The following NUBPL variants were observed in gnomAD, a reference collection of about 807,000 sequenced individuals.
NUBPL encodes NUBP iron-sulfur cluster assembly factor, mitochondrial, also known as iron-sulfur cluster transfer protein NUBPL.
NUBPL carries 31 observed loss-of-function variants against 45.7 expected under a neutral mutation model. That is an observed-to-expected ratio of 0.68 (90% CI 0.51 to 0.92). The LOEUF is 0.92. Ranked by LOEUF, NUBPL falls within the 40% of genes least tolerant of loss-of-function variation. NUBPL has a pLI of 0.00. For synonymous variants in NUBPL, 144 were observed against 140.9 expected, an observed-to-expected ratio of 1.02 and a Z score of -0.15; for missense variants, 401 against 398.7, an observed-to-expected ratio of 1.01 and a Z score of -0.05.
intron 6 of NUBPL, among the ~76,000 whole-genome samples, chr14:31,785,628 C>T (rs555676128): frequency 1.3e-5 from 2 of 152,256 alleles, no homozygotes; most frequent in South Asian, 4.1e-4. Flanking sequence ...CTTCACAGCA[C>T]TTATTACTTC....
At chr14:31,817,965 T>C (rs1201643733) in intron 7 of NUBPL, among the ~76,000 whole-genome samples, 1 of 151,670 alleles carries the variant, frequency 6.6e-6, no homozygotes, top group Non-Finnish European at 1.5e-5. Flanking sequence ...GATGGAGGAA[T>C]ACTTACCAAG....
intron 4 of NUBPL, among the ~76,000 whole-genome samples, chr14:31,614,701 T>C (rs1290768004): frequency 6.6e-6 from 1 of 152,218 alleles, no homozygotes; most frequent in Admixed American, 6.5e-5. Context: ...TAGTAGACCT[T>C]TATGACTGTC....
intron 7 of NUBPL, among the ~76,000 whole-genome samples, chr14:31,793,878 C>T (rs1406752213): frequency 2.5e-5 from 2 of 80,948 alleles, no homozygotes; most frequent in African/African-American, 1.1e-4. Context: ...TATCCCTCCC[C>T]CCTCCCCCGA....
intron 4 of NUBPL, among the ~76,000 whole-genome samples, chr14:31,673,060 A>G (rs1276259318): frequency 6.6e-6 from 1 of 152,216 alleles, no homozygotes; most frequent in African/African-American, 2.4e-5. Context: ...TATTGTTAAC[A>G]ATCATTTTTT....
At chr14:31,637,260 A>G (rs1371840520) in intron 4 of NUBPL, among the ~76,000 whole-genome samples, 1 of 152,116 alleles carries the variant, frequency 6.6e-6, no homozygotes, top group Non-Finnish European at 1.5e-5. Flanking sequence ...ACTGCTTTGA[A>G]TGTGTCCCAG....
At chr14:31,684,278 A>G (rs145062920) in intron 6 of NUBPL, among the ~76,000 whole-genome samples, 1,619 of 152,278 alleles carry the variant, frequency 0.011, 24 homozygotes, top group African/African-American at 0.037. Context: ...TGTCATGTAC[A>G]TGGGTTTTGT....
At chr14:31,632,171 A>G (rs576320186) in intron 4 of NUBPL, among the ~76,000 whole-genome samples, 182 of 152,314 alleles carry the variant, frequency 1.2e-3, no homozygotes, top group African/African-American at 4.3e-3. Flanking sequence ...AAGATGTGGG[A>G]GAAGTGTAGG....
At chr14:31,740,362 G>T (rs1566534503) in intron 6 of NUBPL, among the ~76,000 whole-genome samples, 1 of 152,036 alleles carries the variant, frequency 6.6e-6, no homozygotes, top group Non-Finnish European at 1.5e-5. Context: ...ATATGTAGTG[G>T]TATCTTATTG....
rs547795007 is a variant in NUBPL, at chr14:31,841,917, CTTTTTTTT to C, written c.694-4530_694-4523del. On this transcript the variant is annotated intron_variant, in intron 8 of 10. Transcript: ENST00000281081. Reference sequence around the variant, plus strand: ...CTTTCATGTATGGGTCGATTCTGGGCTTTTTTTTTTTTTTTTTTTTTTTTTTTTTTTGA... The same window carrying C: ...CTTTCATGTATGGGTCGATTCTGGGCTTTTTTTTTTTTTTTTTTTTTTTGA... Among the ~76,000 whole-genome samples, 8 of 43,036 alleles carry C rather than the reference CTTTTTTTT, an allele frequency of 1.9e-4. 1 individual carries two copies. The highest frequency in any genetic ancestry group is 2.8e-4 in the African/African-American group (3 of 10,796). 28.2% of individuals were successfully genotyped at this position (43,036 alleles called of 152,430 possible).
At chr14:31,732,735 C>G (rs1265306924) in intron 6 of NUBPL, among the ~76,000 whole-genome samples, 1 of 151,600 alleles carries the variant, frequency 6.6e-6, no homozygotes, top group Non-Finnish European at 1.5e-5. Context: ...CCTCAGCCTC[C>G]CAAGTAGCTG....
At chr14:31,566,671 T>C (rs1374486889) in intron 3 of NUBPL, among the ~76,000 whole-genome samples, 1 of 152,106 alleles carries the variant, frequency 6.6e-6, no homozygotes, top group African/African-American at 2.4e-5. Flanking sequence ...GGAACTTTGC[T>C]GGTGTGACTA....
At chr14:31,602,055 A>G (rs1394764648) in intron 4 of NUBPL, among the ~76,000 whole-genome samples, 1 of 152,220 alleles carries the variant, frequency 6.6e-6, no homozygotes, top group Non-Finnish European at 1.5e-5. Context: ...AATACTATGC[A>G]GCCATAAAAA....
At chr14:31,812,177 T>A (rs1191824769) in intron 7 of NUBPL, among the ~76,000 whole-genome samples, 4 of 152,226 alleles carry the variant, frequency 2.6e-5, no homozygotes, top group Non-Finnish European at 5.9e-5. Flanking sequence ...TTTTCAGAGC[T>A]GTCAGACAGG....
intron 6 of NUBPL, among the ~76,000 whole-genome samples, chr14:31,748,546 A>G (rs914370117): frequency 6.7e-6 from 1 of 150,178 alleles, no homozygotes; most frequent in African/African-American, 2.5e-5. Flanking sequence ...GTGATTATGT[A>G]ATGACCTTTT....
intron 3 of NUBPL, among the ~76,000 whole-genome samples, chr14:31,596,428 G>C (rs2139545909): frequency 1.3e-5 from 2 of 152,278 alleles, no homozygotes; most frequent in South Asian, 4.1e-4. Flanking sequence ...GCTTCATCAT[G>C]AAAAACTTTG....
intron 6 of NUBPL, among the ~76,000 whole-genome samples, chr14:31,732,741 A>AG (rs2038079654): frequency 6.6e-6 from 1 of 151,506 alleles, no homozygotes; most frequent in Non-Finnish European, 1.5e-5. Context: ...CCTCCCAAGT[A>AG]GCTGGGACTA....
intron 4 of NUBPL, among the ~76,000 whole-genome samples, chr14:31,621,855 C>G (rs1595381346): frequency 6.6e-6 from 1 of 152,174 alleles, no homozygotes; most frequent in African/African-American, 2.4e-5. Context: ...GAGTGGGGTA[C>G]TCCTCTAAAG....
intron 6 of NUBPL, among the ~76,000 whole-genome samples, chr14:31,769,598 G>T (rs1372901928): frequency 6.6e-6 from 1 of 151,292 alleles, no homozygotes; most frequent in African/African-American, 2.4e-5. Context: ...AAAAAAGTTT[G>T]TTAAACATAC....
At chr14:31,722,768 C>T (rs2037840194) in intron 6 of NUBPL, among the ~76,000 whole-genome samples, 1 of 152,068 alleles carries the variant, frequency 6.6e-6, no homozygotes, top group Non-Finnish European at 1.5e-5. Context: ...GTCCTTTGCC[C>T]ACCTTTTAAT....
Sources: gnomAD v4.1 joint callset for allele counts (sites outside exome capture counted in the v4.1 genomes callset) on GRCh38, gnomAD v4.1.1 for gene constraint, MANE v1.5 for transcripts, NCBI Gene and HGNC (gene_info 2026-07-23, HGNC 2026-07-21) for gene names.